The following EML2 variants were observed in gnomAD, a reference collection of about 807,000 sequenced individuals.
EML2 encodes EMAP like 2.
A neutral mutation model predicts 84.7 loss-of-function variants in EML2; 59 were observed. The ratio of observed to expected loss-of-function variants is 0.70; its 90% CI spans 0.56 to 0.86. EML2 has a LOEUF of 0.86. Among genes scored for constraint, EML2 ranks in the 40% least tolerant of loss-of-function variants. The pLI is 0.00. For synonymous variants in EML2, 352 were observed against 348.9 expected, an observed-to-expected ratio of 1.01 and a Z score of -0.10; for missense variants, 818 against 855.6, an observed-to-expected ratio of 0.96 and a Z score of 0.55.
At chr19:45,637,228 G>A (rs983667344) in intron 3 of EML2, among the ~76,000 whole-genome samples, 3 of 152,164 alleles carry the variant, frequency 2.0e-5, no homozygotes, top group East Asian at 1.9e-4. Flanking sequence ...GACAAGGACC[G>A]GGTTCCTGGG....
At position 45,638,646 on chromosome 19, in the gene EML2, C is replaced by A; in HGVS notation, c.50-12G>T. ...CACGGAGCCATCCTCTGCCAGGACACCCCCAGAGGTCAGGCACTGACACCA... is the reference window on the plus strand; with the variant it reads ...CACGGAGCCATCCTCTGCCAGGACAACCCCAGAGGTCAGGCACTGACACCA... On this transcript the variant is annotated splice_polypyrimidine_tract_variant and intron_variant, in intron 2 of 18. Transcript: ENST00000245925. The A allele has an allele frequency of 6.2e-7, 1 of 1,612,774 alleles. No individual in the cohort carries two copies. The highest frequency in any genetic ancestry group is 8.5e-7 in the Non-Finnish European group (1 of 1,179,372).
At chr19:45,636,547 T>C (rs533577433) in intron 3 of EML2, among the ~76,000 whole-genome samples, 1 of 152,336 alleles carries the variant, frequency 6.6e-6, no homozygotes, top group African/African-American at 2.4e-5. Flanking sequence ...GGGTTGTCAC[T>C]CTCAATGAGT....
intron 7 of EML2, among the ~76,000 whole-genome samples, chr19:45,628,443 G>T (rs957100338): frequency 6.6e-6 from 1 of 152,060 alleles, no homozygotes; most frequent in South Asian, 2.1e-4. Context: ...CAAGAGTTGT[G>T]TGTGGAACCC....
upstream of EML2, chr19:45,642,091 C>G (rs1463936470): frequency 6.9e-7 from 1 of 1,457,980 alleles, no homozygotes; most frequent in Non-Finnish European, 9.0e-7. Context: ...AAGGACCAGG[C>G]CCCGGTCCTC....
upstream of EML2, chr19:45,641,535 G>A: frequency 8.8e-7 from 1 of 1,131,498 alleles, no homozygotes. Flanking sequence ...TTTTGAACTA[G>A]CTGGCCCCAC....
chr19:45,639,035 G>A lies in EML2; in HGVS notation c.21-162C>T, dbSNP rs545061444. ...CTCTGCAGGCCGTGTGCTTTGCTCG[G>A]TTGATCTTGCAGAGCCTAAGACACA... On this transcript the variant is annotated intron_variant, in intron 1 of 18. Transcript: ENST00000245925. 75 of 902,282 alleles carry A rather than the reference G, an allele frequency of 8.3e-5. No individual in the cohort carries two copies. In the East Asian group the frequency reaches 1.7e-3, roughly 20 times the overall value. The allele number at this position is 902,282 out of a possible 1,614,324, so 55.9% of individuals were successfully genotyped here. A position where few individuals can be genotyped will look rare whatever the true frequency, so the allele number is the denominator to read the frequency against.
intron 8 of EML2, among the ~76,000 whole-genome samples, chr19:45,625,549 C>T (rs538916688): frequency 3.3e-5 from 5 of 152,176 alleles, no homozygotes; most frequent in African/African-American, 9.6e-5. Flanking sequence ...GCCTGGTCCC[C>T]CTGACTTCTC....
Position 45,613,541 on chromosome 19 carries a change from T to G in EML2, c.1824A>C (p.Arg608=). 2 of 1,613,872 alleles carry G rather than the reference T, an allele frequency of 1.2e-6. No homozygotes were observed. Among genetic ancestry groups the G allele is most frequent in the Non-Finnish European group, 1.7e-6 (2 of 1,179,916 alleles). Residue 608 remains arginine (R), a splice_region_variant and synonymous_variant, in exon 18 of 19, where the codon CGA becomes CGC. Coordinates refer to ENST00000245925, the MANE Select transcript of EML2 (RefSeq NM_012155.4). ...ATCCCCATCTCCCCAAGGGACTCAC[T>G]CGAGGCTGACAGCAGGGGTAGCTAA... ...HLFSYPCCQP[R]ALSHKYGGHS...
At chr19:45,644,589 C>G (rs953157843), upstream of EML2, 14 of 427,254 alleles carry the variant, frequency 3.3e-5, no homozygotes, top group African/African-American at 2.6e-4. Context: ...ATCCCCATCC[C>G]TGTGACTCAA....
intron 18 of EML2, among the ~76,000 whole-genome samples, chr19:45,611,454 T>A (rs896080293): frequency 6.6e-6 from 1 of 150,520 alleles, no homozygotes; most frequent in African/African-American, 2.5e-5. Flanking sequence ...TTAGGAGTGG[T>A]CAGAGGCTTG....
chr19:45,627,463 C>T (rs556911162), intron 7 of EML2, among the ~76,000 whole-genome samples: 1 of 150,382 alleles, frequency 6.6e-6, no homozygotes, highest in South Asian at 2.1e-4. Flanking sequence ...CCATGTTGGC[C>T]AGGCTGGTCT....
intron 18 of EML2, 34 bp from the exon 19 acceptor site, chr19:45,609,822 C>T: frequency 6.2e-7 from 1 of 1,606,916 alleles, no homozygotes; most frequent in South Asian, 1.1e-5. Flanking sequence ...GAAGAAATGT[C>T]AGTGGGGACA....
upstream of EML2, chr19:45,642,013 G>A: frequency 1.4e-6 from 2 of 1,444,458 alleles, no homozygotes; most frequent in Non-Finnish European, 9.1e-7. Flanking sequence ...GGGGCGTCCT[G>A]GTGGGAAGGC....
At chr19:45,631,810 A>G (rs778969024) in intron 6 of EML2, among the ~76,000 whole-genome samples, 2 of 150,590 alleles carry the variant, frequency 1.3e-5, no homozygotes, top group African/African-American at 2.4e-5. Flanking sequence ...GGCTCATTCA[A>G]TCCTCCCACC....
chr19:45,615,519 A>AAATAATAATAATAATAAT (rs56322389), intron 16 of EML2, among the ~76,000 whole-genome samples: 9 of 139,202 alleles, frequency 6.5e-5, no homozygotes, highest in African/African-American at 1.1e-4. Context: ...CTCCGTCTCA[A>AAATAATAATAATAATAAT]AATAATAATA....
Position 45,624,596 on chromosome 19 carries a change from G to C in EML2, c.841+123C>G, listed in dbSNP as rs567804156. 12 of 691,344 alleles carry C rather than the reference G, an allele frequency of 1.7e-5. No individual in the cohort carries two copies. The African/African-American group carries it at 1.8e-4, about 10-fold the overall frequency. 42.8% of individuals were successfully genotyped at this position (691,344 alleles called of 1,614,324 possible). On this transcript the variant is annotated intron_variant, in intron 9 of 18. Transcript: ENST00000245925. ...GGATACTTGAGCTGAACCTTGACGA[G>C]GGTGTTGGAATCGGACATCCATTTA...
chr19:45,611,850 C>T (rs1372844472), intron 18 of EML2, among the ~76,000 whole-genome samples: 2 of 151,632 alleles, frequency 1.3e-5, no homozygotes, highest in Non-Finnish European at 2.9e-5. Flanking sequence ...ATAACCTATG[C>T]GTTTTCGTGT....
chr19:45,618,988 G>A (rs1600103149), intron 12 of EML2, 72 bp downstream of exon 12: 3 of 1,425,104 alleles, frequency 2.1e-6, no homozygotes, highest in Middle Eastern at 3.9e-4. Context: ...TCAGTCTAAT[G>A]TGCTGAGCCC....
At chr19:45,619,033 T>C in intron 12 of EML2, 27 bp downstream of exon 12, 1 of 1,582,008 alleles carries the variant, frequency 6.3e-7, no homozygotes, top group African/African-American at 1.3e-5. Flanking sequence ...GTTAGAATGG[T>C]GCTTTTCCAG....
Sources: gnomAD v4.1 joint callset for allele counts (sites outside exome capture counted in the v4.1 genomes callset) on GRCh38, gnomAD v4.1.1 for gene constraint, MANE v1.5 for transcripts, NCBI Gene and HGNC (gene_info 2026-07-23, HGNC 2026-07-21) for gene names.